The following KDM4C variants were observed in gnomAD, a reference collection of about 807,000 sequenced individuals.
The protein encoded by KDM4C is lysine-specific demethylase 4C.
In KDM4C, 81 loss-of-function variants were observed where a neutral mutation model predicts 129.3. The observed-to-expected ratio is 0.63, with a 90% CI of 0.52 to 0.75. KDM4C has a LOEUF of 0.75. KDM4C is among the 30% of genes least tolerant of loss of function. The pLI is 0.00. For synonymous variants in KDM4C, 573 were observed against 456.1 expected, an observed-to-expected ratio of 1.26 and a Z score of -3.26; for missense variants, 1,457 against 1,304.0, an observed-to-expected ratio of 1.12 and a Z score of -1.81.
intron 1 of KDM4C, among the ~76,000 whole-genome samples, chr9:6,764,415 C>G (rs967871281): frequency 6.6e-6 from 1 of 152,120 alleles, no homozygotes; most frequent in African/African-American, 2.4e-5. Context: ...CACAGTTGCT[C>G]ATTATTTGTA....
chr9:6,838,740 T>C (rs1263291163), intron 4 of KDM4C, among the ~76,000 whole-genome samples: 2 of 144,546 alleles, frequency 1.4e-5, no homozygotes, highest in Non-Finnish European at 3.0e-5. Flanking sequence ...TGTTTTAAAA[T>C]AAAGATTTAA....
intron 12 of KDM4C, among the ~76,000 whole-genome samples, chr9:7,005,547 C>CT (rs1821513595): frequency 6.6e-6 from 1 of 150,942 alleles, no homozygotes; most frequent in East Asian, 1.9e-4. Flanking sequence ...ACTAGGCTGC[C>CT]TTCAGCCAGA....
intron 19 of KDM4C, among the ~76,000 whole-genome samples, chr9:7,147,729 C>G (rs527588508): frequency 6.6e-6 from 1 of 152,302 alleles, no homozygotes; most frequent in African/African-American, 2.4e-5. Flanking sequence ...ACATGTGTGG[C>G]AGGCAGACCC....
intron 8 of KDM4C, among the ~76,000 whole-genome samples, chr9:6,913,860 T>C (rs1184351941): frequency 6.6e-6 from 1 of 152,228 alleles, no homozygotes; most frequent in Non-Finnish European, 1.5e-5. Context: ...TATGCGGTTT[T>C]AATGGACACA....
At chr9:6,732,305 C>T (rs1261163766) in intron 1 of KDM4C, among the ~76,000 whole-genome samples, 2 of 124,230 alleles carry the variant, frequency 1.6e-5, no homozygotes, top group Admixed American at 1.1e-4. Context: ...GCGGAGGTTG[C>T]AGTGAGCTGA....
At chr9:6,961,454 G>A (rs1330591022) in intron 8 of KDM4C, among the ~76,000 whole-genome samples, 9 of 152,100 alleles carry the variant, frequency 5.9e-5, no homozygotes, top group Admixed American at 1.3e-4. Context: ...AGAGATAGTC[G>A]TGGTTGTATA....
At chr9:7,157,178 G>A (rs566325837) in intron 19 of KDM4C, among the ~76,000 whole-genome samples, 34 of 152,280 alleles carry the variant, frequency 2.2e-4, no homozygotes, top group South Asian at 1.7e-3. Context: ...GTATAGGAAT[G>A]CTTGTGATTT....
chr9:6,888,283 T>G (rs116569194), intron 7 of KDM4C, among the ~76,000 whole-genome samples: 1 of 152,222 alleles, frequency 6.6e-6, no homozygotes, highest in Admixed American at 6.5e-5. Context: ...AGTTCACTTA[T>G]AATTGTACTG....
At chr9:6,857,755 CTTT>C (rs34529562) in intron 5 of KDM4C, among the ~76,000 whole-genome samples, 7 of 135,502 alleles carry the variant, frequency 5.2e-5, no homozygotes, top group Non-Finnish European at 4.8e-5. Flanking sequence ...GCCAGCTGTA[CTTT>C]TTTTTTTTTT....
chr9:6,842,411 T>C (rs1478812201), intron 4 of KDM4C, among the ~76,000 whole-genome samples: 1 of 148,006 alleles, frequency 6.8e-6, no homozygotes, highest in Non-Finnish European at 1.5e-5. Context: ...CTCGGCTCAC[T>C]GCAACCTCCG....
At chr9:6,903,968 G>A (rs1370968001) in intron 8 of KDM4C, among the ~76,000 whole-genome samples, 3 of 152,068 alleles carry the variant, frequency 2.0e-5, no homozygotes, top group East Asian at 1.9e-4. Flanking sequence ...AGCCGGGCGC[G>A]GTGGCTCACG....
chr9:7,040,315 GTCTCTCTTTCCC>G (rs1290388089), intron 15 of KDM4C, among the ~76,000 whole-genome samples: 10 of 139,404 alleles, frequency 7.2e-5, no homozygotes, highest in Non-Finnish European at 1.6e-4. Flanking sequence ...CCCTCCCTCT[GTCTCTCTTTCCC>G]TCCCTCCCTC....
At chr9:6,777,109 C>G (rs549273596) in intron 1 of KDM4C, among the ~76,000 whole-genome samples, 2 of 152,148 alleles carry the variant, frequency 1.3e-5, no homozygotes, top group Admixed American at 1.3e-4. Flanking sequence ...TTCACTTACT[C>G]TGTAGTCAGT....
At chr9:6,807,589 TGAG>T (rs1381476551) in intron 3 of KDM4C, among the ~76,000 whole-genome samples, 2 of 140,916 alleles carry the variant, frequency 1.4e-5, no homozygotes, top group Admixed American at 7.1e-5. Context: ...GTCTGGGAGG[TGAG>T]GAGCGTTTCT....
intron 1 of KDM4C, among the ~76,000 whole-genome samples, chr9:6,791,138 G>T (rs1158520200): frequency 6.6e-6 from 1 of 152,010 alleles, no homozygotes; most frequent in Non-Finnish European, 1.5e-5. Flanking sequence ...ACTTCTTCCT[G>T]TGTCACTCCA....
At chr9:7,007,296 C>G (rs1043290296) in intron 12 of KDM4C, among the ~76,000 whole-genome samples, 1 of 151,998 alleles carries the variant, frequency 6.6e-6, no homozygotes, top group South Asian at 2.1e-4. Flanking sequence ...CAAGGAATGA[C>G]AATGTTTTTG....
intron 19 of KDM4C, among the ~76,000 whole-genome samples, chr9:7,147,024 C>G (rs942416430): frequency 6.6e-6 from 1 of 152,210 alleles, no homozygotes; most frequent in Non-Finnish European, 1.5e-5. Flanking sequence ...GTGATTCACT[C>G]AATATTCACT....
At chr9:6,772,355 G>A (rs1822030992) in intron 1 of KDM4C, among the ~76,000 whole-genome samples, 1 of 150,628 alleles carries the variant, frequency 6.6e-6, no homozygotes, top group South Asian at 2.1e-4. Context: ...CACCATGTTG[G>A]CCAGACTGGT....
chr9:6,839,668 AG>A (rs751517347), intron 4 of KDM4C, among the ~76,000 whole-genome samples: 14 of 152,100 alleles, frequency 9.2e-5, no homozygotes, highest in Non-Finnish European at 1.9e-4. Context: ...GCACTTTTGG[AG>A]GCCGAGGCAG....
Sources: gnomAD v4.1 joint callset for allele counts (sites outside exome capture counted in the v4.1 genomes callset) on GRCh38, gnomAD v4.1.1 for gene constraint, MANE v1.5 for transcripts, NCBI Gene and HGNC (gene_info 2026-07-23, HGNC 2026-07-21) for gene names.